Variants in ZNF577 observed in about 807,000 individuals in gnomAD.
ZNF577 encodes zinc finger protein 577.
In ZNF577, 14 loss-of-function variants were observed where a neutral mutation model predicts 13.9. The ratio of observed to expected loss-of-function variants is 1.00; its 90% CI spans 0.66 to 1.57. ZNF577 has a LOEUF of 1.57. Among genes scored for constraint, ZNF577 ranks in the 40% most tolerant of loss-of-function variants. The pLI is 0.00. For missense variants in ZNF577, 555 were observed against 579.2 expected (o/e 0.96, Z 0.43); for synonymous variants, 203 against 202.9 (o/e 1.00, Z 0.00).
At chr19:51,851,487 A>G (rs2084378308) in intron 5 of ZNF577, among the ~76,000 whole-genome samples, 1 of 152,212 alleles carries the variant, frequency 6.6e-6, no homozygotes, top group South Asian at 2.1e-4. Context: ...CTATTCTTTC[A>G]ACTTTCCCAT....
At chr19:51,862,823 GT>G (rs1162112176), downstream of ZNF577, 1 of 152,608 alleles carries the variant, frequency 6.6e-6, no homozygotes, top group Non-Finnish European at 1.5e-5. Flanking sequence ...CAAGCATATG[GT>G]TTCTCTCCTG....
In ZNF577 at chr19:51,873,722, A is replaced by G; in HGVS notation, c.284-16T>C. ...ATTACAAAACCTAAATGAGATTTCA[A>G]ACTTTTACAATGCGAGCCAAACTTA... On this transcript the variant is annotated splice_polypyrimidine_tract_variant and intron_variant, in intron 5 of 5. Coordinates refer to ENST00000638348, the MANE Select transcript of ZNF577 (RefSeq NM_001370449.1). 1 of 1,573,236 alleles carries G rather than the reference A, an allele frequency of 6.4e-7. No individual in the cohort carries two copies. Among genetic ancestry groups the G allele is most frequent in the Non-Finnish European group, 8.6e-7 (1 of 1,156,486 alleles).
intron 10 of ZNF577, among the ~76,000 whole-genome samples, chr19:51,809,920 C>T (rs543714571): frequency 6.6e-6 from 1 of 152,054 alleles, no homozygotes. Flanking sequence ...TGGGTCCAGG[C>T]CCCCATCTCA....
intron 5 of ZNF577, chr19:51,861,915 G>C (rs2084507268): frequency 6.6e-6 from 1 of 152,240 alleles, no homozygotes; most frequent in Non-Finnish European, 1.5e-5. Flanking sequence ...TAGGTTCTCT[G>C]TTATATAATG....
chr19:51,859,795 T>C (rs1162962237), intron 5 of ZNF577, among the ~76,000 whole-genome samples: 1 of 152,136 alleles, frequency 6.6e-6, no homozygotes. Flanking sequence ...TACATTGAAT[T>C]ATTCAACATT....
intron 8 of ZNF577, among the ~76,000 whole-genome samples, chr19:51,841,469 G>T (rs1003215470): frequency 6.6e-6 from 1 of 152,090 alleles, no homozygotes; most frequent in East Asian, 1.9e-4. Context: ...ATCCACATGA[G>T]CCAAAAAGTG....
chr19:51,808,951 A>G (rs375268972), intron 10 of ZNF577, among the ~76,000 whole-genome samples: 5 of 152,356 alleles, frequency 3.3e-5, no homozygotes, highest in Middle Eastern at 3.4e-3. Context: ...GAGCCATTCT[A>G]ATAGTGAGGC....
chr19:51,841,776 A>G (rs1349701575), intron 8 of ZNF577, among the ~76,000 whole-genome samples: 6 of 152,188 alleles, frequency 3.9e-5, no homozygotes, highest in Non-Finnish European at 7.4e-5. Context: ...AAAATTAGCC[A>G]GGCATGGTGG....
chr19:51,808,491 C>T (rs891224272), intron 10 of ZNF577, among the ~76,000 whole-genome samples: 1 of 152,106 alleles, frequency 6.6e-6, no homozygotes, highest in African/African-American at 2.4e-5. Flanking sequence ...AAACATATTC[C>T]GAGGCTTCTT....
At chr19:51,837,626 T>C (rs1262469815) in intron 9 of ZNF577, among the ~76,000 whole-genome samples, 1 of 152,146 alleles carries the variant, frequency 6.6e-6, no homozygotes, top group Non-Finnish European at 1.5e-5. Flanking sequence ...CTATCTCTTA[T>C]ATAATTCCAT....
chr19:51,830,547 G>A (rs1410119241), intron 9 of ZNF577, among the ~76,000 whole-genome samples: 3 of 152,190 alleles, frequency 2.0e-5, no homozygotes, highest in African/African-American at 4.8e-5. Flanking sequence ...TTTGGTGCTT[G>A]CCTATGAATC....
chr19:51,821,273 G>A (rs534382062), intron 9 of ZNF577, among the ~76,000 whole-genome samples: 6 of 152,286 alleles, frequency 3.9e-5, no homozygotes, highest in East Asian at 3.9e-4. Context: ...TAAGAGTAGC[G>A]ATCTAACTGA....
intron 9 of ZNF577, among the ~76,000 whole-genome samples, chr19:51,834,385 T>C (rs1408667791): frequency 6.6e-6 from 1 of 152,080 alleles, no homozygotes; most frequent in Non-Finnish European, 1.5e-5. Context: ...CACCTAAGAG[T>C]AGGATATTTC....
intron 4 of ZNF577, 160 bp downstream of exon 4, chr19:51,878,229 C>T: frequency 1.4e-6 from 1 of 728,748 alleles, no homozygotes; most frequent in South Asian, 2.7e-5. Flanking sequence ...GAACTGCACG[C>T]TTATGGTTAA....
intron 8 of ZNF577, among the ~76,000 whole-genome samples, chr19:51,841,981 C>A (rs1032620545): frequency 3.3e-5 from 5 of 152,108 alleles, no homozygotes; most frequent in African/African-American, 1.2e-4. Flanking sequence ...AAGTGATCTG[C>A]AGATACACAG....
chr19:51,837,323 T>C (rs1187439718), intron 9 of ZNF577, among the ~76,000 whole-genome samples: 1 of 152,206 alleles, frequency 6.6e-6, no homozygotes, highest in Non-Finnish European at 1.5e-5. Context: ...GATTGGTTGA[T>C]ACAGCTGAGC....
At chr19:51,842,220 G>A (rs2084325103) in intron 8 of ZNF577, among the ~76,000 whole-genome samples, 1 of 152,170 alleles carries the variant, frequency 6.6e-6, no homozygotes, top group Non-Finnish European at 1.5e-5. Flanking sequence ...GAGAAAGAGA[G>A]GCACATCTCC....
At chr19:51,825,511 G>A (rs1003026569) in intron 9 of ZNF577, 1 of 167,038 alleles carries the variant, frequency 6.0e-6, no homozygotes, top group African/African-American at 2.4e-5. Context: ...GTAGATGAAA[G>A]GAAAGGAGAG....
At chr19:51,827,218 A>G (rs912016154) in intron 9 of ZNF577, among the ~76,000 whole-genome samples, 3 of 152,138 alleles carry the variant, frequency 2.0e-5, no homozygotes, top group African/African-American at 7.2e-5. Context: ...TTAAACTATA[A>G]ACTAAATTCT....
Sources: allele counts gnomAD v4.1 joint callset (sites outside exome capture counted in the v4.1 genomes callset), GRCh38; gene constraint gnomAD v4.1.1; transcripts MANE v1.5; gene names NCBI Gene and HGNC (gene_info 2026-07-23, HGNC 2026-07-21).